GLCCI1: variants seen among roughly 807,000 people sequenced by gnomAD.
The protein encoded by GLCCI1 is glucocorticoid induced 1.
A neutral mutation model predicts 52.2 loss-of-function variants in GLCCI1; 24 were observed. That is an observed-to-expected ratio of 0.46 (90% CI 0.33 to 0.65). The LOEUF (loss-of-function observed/expected upper bound fraction) is 0.65. Among genes scored for constraint, GLCCI1 ranks in the 30% least tolerant of loss-of-function variants. The pLI, the probability that GLCCI1 is intolerant of heterozygous loss-of-function variation, is 0.02. For synonymous variants in GLCCI1, 310 were observed against 276.5 expected (o/e 1.12, Z -1.20); for missense variants, 704 against 701.5 (o/e 1.00, Z -0.04).
intron 1 of GLCCI1, among the ~76,000 whole-genome samples, chr7:7,999,350 G>A (rs922884822): frequency 2.6e-5 from 4 of 152,164 alleles, no homozygotes; most frequent in Non-Finnish European, 5.9e-5. Flanking sequence ...ACTCATGCCT[G>A]TAATCTCAGT....
At chr7:8,034,994 G>A (rs1007288789) in intron 3 of GLCCI1, among the ~76,000 whole-genome samples, 1 of 152,132 alleles carries the variant, frequency 6.6e-6, no homozygotes, top group Admixed American at 6.5e-5. Flanking sequence ...CAATATATTT[G>A]GGACATGCCT....
At chr7:8,060,377 A>C in intron 5 of GLCCI1, 129 bp downstream of exon 5, 2 of 682,170 alleles carry the variant, frequency 2.9e-6, no homozygotes, top group South Asian at 4.1e-5. Context: ...TTTAGTGTAC[A>C]ATTCAGTGGT....
At chr7:8,054,451 T>C (rs1174256427) in intron 3 of GLCCI1, among the ~76,000 whole-genome samples, 3 of 152,134 alleles carry the variant, frequency 2.0e-5, no homozygotes, top group Admixed American at 6.5e-5. Flanking sequence ...TCTTCCTTGT[T>C]TGGGTGCTTT....
chr7:7,984,039 G>T (rs552091428), intron 1 of GLCCI1, among the ~76,000 whole-genome samples: 14 of 152,068 alleles, frequency 9.2e-5, no homozygotes, highest in Non-Finnish European at 1.8e-4. Context: ...ATTTAGTGAG[G>T]CTCCATGGAC....
chr7:8,082,746 A>AAATT (rs1783021970), intron 6 of GLCCI1, among the ~76,000 whole-genome samples: 1 of 152,228 alleles, frequency 6.6e-6, no homozygotes, highest in Non-Finnish European at 1.5e-5. Context: ...ACAGCCTCTG[A>AAATT]AATTAGAAAT....
At chr7:7,991,838 G>T (rs2115416561) in intron 1 of GLCCI1, among the ~76,000 whole-genome samples, 2 of 152,150 alleles carry the variant, frequency 1.3e-5, no homozygotes, top group Middle Eastern at 6.8e-3. Context: ...TCCATAGGAT[G>T]CACTTGGAAC....
Position 8,003,893 on chromosome 7 carries a change from T to G in GLCCI1, c.458-15T>G. 2 of 1,599,910 alleles carry G rather than the reference T, an allele frequency of 1.3e-6. No homozygotes were observed. The highest frequency in any genetic ancestry group is 1.8e-5 in the Admixed American group (1 of 56,492). On this transcript the variant is annotated splice_polypyrimidine_tract_variant and intron_variant, in intron 1 of 7. Coordinates refer to ENST00000223145, the MANE Select transcript of GLCCI1 (RefSeq NM_138426.4). ...TTATTCACTAATGACTAATCTTTTTTTTCACTTTCTGTAGCGGACAAGGCA... is the reference window on the plus strand; with the variant it reads ...TTATTCACTAATGACTAATCTTTTTGTTCACTTTCTGTAGCGGACAAGGCA...
chr7:8,062,739 T>C (rs1343622020), intron 5 of GLCCI1, among the ~76,000 whole-genome samples: 26 of 152,200 alleles, frequency 1.7e-4, no homozygotes, highest in Admixed American at 1.7e-3. Flanking sequence ...TCTGTTCCTG[T>C]GTTAGTTTAC....
At chr7:7,994,983 C>T (rs1282121803) in intron 1 of GLCCI1, among the ~76,000 whole-genome samples, 3 of 152,080 alleles carry the variant, frequency 2.0e-5, no homozygotes, top group African/African-American at 7.2e-5. Context: ...GAAACTGTTA[C>T]GTGGACAAAT....
At chr7:8,027,684 GAAAA>G (rs796859194) in intron 3 of GLCCI1, among the ~76,000 whole-genome samples, 1 of 139,522 alleles carries the variant, frequency 7.2e-6, no homozygotes, top group African/African-American at 2.6e-5. Flanking sequence ...CTGAATGGAT[GAAAA>G]AAAAAAAAGA....
intron 1 of GLCCI1, among the ~76,000 whole-genome samples, chr7:7,992,348 A>G (rs1438098864): frequency 2.0e-5 from 3 of 151,998 alleles, no homozygotes; most frequent in African/African-American, 4.8e-5. Context: ...TGCTGGCTCA[A>G]TGACTCACAC....
At chr7:8,076,349 G>A (rs10253260) in intron 6 of GLCCI1, among the ~76,000 whole-genome samples, 112,841 of 152,088 alleles carry the variant, frequency 0.74, 42,316 homozygotes, top group African/African-American at 0.85. Flanking sequence ...ATCCTAGAAG[G>A]ACCTTTTGGT....
rs1455858339 is a variant in GLCCI1 at position 8,088,236 on chromosome 7, ATGTT to A, written c.*1702_*1705del. Reference sequence around the variant, plus strand: ...TTTAAGAAATGATATATATATGTATATGTTTGTGTGTGTGTGTGTGTGTGTGTGT... The same window carrying A: ...TTTAAGAAATGATATATATATGTATATGTGTGTGTGTGTGTGTGTGTGTGT... On this transcript the variant is annotated 3_prime_UTR_variant, in exon 8 of 8. Transcript: ENST00000223145. 10 of 89,376 alleles carry A rather than the reference ATGTT, an allele frequency of 1.1e-4. No homozygotes were observed. Among genetic ancestry groups the A allele is most frequent in the African/African-American group, 3.6e-4 (7 of 19,248 alleles). 5.5% of individuals were successfully genotyped at this position (89,376 alleles called of 1,614,324 possible).
intron 3 of GLCCI1, among the ~76,000 whole-genome samples, chr7:8,022,976 G>A (rs560130880): frequency 2.6e-5 from 4 of 152,148 alleles, no homozygotes; most frequent in Admixed American, 6.5e-5. Flanking sequence ...AGAGCTATAG[G>A]TTATAGCTTT....
intron 3 of GLCCI1, among the ~76,000 whole-genome samples, chr7:8,047,956 C>CT (rs1455337324): frequency 6.6e-6 from 1 of 152,066 alleles, no homozygotes; most frequent in Non-Finnish European, 1.5e-5. Context: ...TGCTGGGTGA[C>CT]TTATCATGGG....
rs1463323350 is a variant in GLCCI1, at chr7:8,088,934, T to G, written c.*2396T>G. On this transcript the variant is annotated 3_prime_UTR_variant, in exon 8 of 8. Coordinates refer to ENST00000223145, the MANE Select transcript of GLCCI1 (RefSeq NM_138426.4). ...GTTTAAATTTTGTATATAATTGTAC[T>G]GTTTAATTCTAGCCATTGCGCTGAA... 2 of 152,684 alleles carry G rather than the reference T, an allele frequency of 1.3e-5. No individual in the cohort carries two copies. The highest frequency in any genetic ancestry group is 4.8e-5 in the African/African-American group (2 of 41,476). 9.5% of individuals were successfully genotyped at this position (152,684 alleles called of 1,614,324 possible). A position where few individuals can be genotyped will look rare whatever the true frequency, so the allele number is the denominator to read the frequency against.
At chr7:8,030,227 C>T (rs529345609) in intron 3 of GLCCI1, among the ~76,000 whole-genome samples, 1 of 152,198 alleles carries the variant, frequency 6.6e-6, no homozygotes, top group Non-Finnish European at 1.5e-5. Context: ...ACAGAGAATC[C>T]AGAAACAAAT....
intron 1 of GLCCI1, among the ~76,000 whole-genome samples, chr7:7,991,829 C>T (rs928382874): frequency 1.3e-5 from 2 of 152,022 alleles, no homozygotes; most frequent in Admixed American, 6.6e-5. Flanking sequence ...CTATAGACTT[C>T]CATAGGATGC....
chr7:8,006,413 T>C (rs992176030), intron 2 of GLCCI1, among the ~76,000 whole-genome samples: 1 of 152,182 alleles, frequency 6.6e-6, no homozygotes, highest in Non-Finnish European at 1.5e-5. Context: ...GCTGGATATG[T>C]TTCTTACACA....
Sources: allele counts gnomAD v4.1 joint callset (sites outside exome capture counted in the v4.1 genomes callset), GRCh38; gene constraint gnomAD v4.1.1; transcripts MANE v1.5; gene names NCBI Gene and HGNC (gene_info 2026-07-23, HGNC 2026-07-21).